The following SEC24A variants were observed in gnomAD, a reference collection of about 807,000 sequenced individuals.
SEC24A encodes SEC24 homolog A, COPII component.
SEC24A carries 93 observed loss-of-function variants against 129.4 expected under a neutral mutation model. The observed-to-expected ratio is 0.72, with a 90% CI of 0.61 to 0.85. SEC24A has a LOEUF of 0.85. Among genes scored for constraint, SEC24A ranks in the 40% least tolerant of loss-of-function variants. SEC24A has a pLI of 0.00. For missense variants in SEC24A, 1,264 were observed against 1,307.4 expected (o/e 0.97, Z 0.51); for synonymous variants, 460 against 467.3 (o/e 0.98, Z 0.20).
intron 2 of SEC24A, among the ~76,000 whole-genome samples, chr5:134,666,116 G>A (rs1467196008): frequency 3.3e-5 from 5 of 151,866 alleles, no homozygotes; most frequent in South Asian, 2.1e-4. Context: ...TGAGACCCCC[G>A]TCTCTATTTT....
chr5:134,697,625 G>T (rs145411299), intron 14 of SEC24A, among the ~76,000 whole-genome samples: 1 of 152,064 alleles, frequency 6.6e-6, no homozygotes, highest in Non-Finnish European at 1.5e-5. Flanking sequence ...ACATGGTGGC[G>T]CACACCTGTG....
chr5:134,699,609 A>G (rs978289269), intron 15 of SEC24A, among the ~76,000 whole-genome samples: 3 of 148,334 alleles, frequency 2.0e-5, no homozygotes, highest in African/African-American at 7.5e-5. Flanking sequence ...CATTTTATCC[A>G]TTTTTTAATT....
At chr5:134,699,675 G>A (rs1263715284) in intron 15 of SEC24A, among the ~76,000 whole-genome samples, 1 of 150,972 alleles carries the variant, frequency 6.6e-6, no homozygotes, top group African/African-American at 2.4e-5. Context: ...CAAAAGTGGG[G>A]GATCTCTTAG....
chr5:134,704,016 T>A, intron 16 of SEC24A, 84 bp downstream of exon 16: 1 of 786,814 alleles, frequency 1.3e-6, no homozygotes, highest in Non-Finnish European at 2.1e-6. Flanking sequence ...AAAATACATG[T>A]AGCATATCTT....
chr5:134,678,482 A>G (rs1171868856), intron 7 of SEC24A, among the ~76,000 whole-genome samples: 1 of 150,676 alleles, frequency 6.6e-6, no homozygotes, highest in African/African-American at 2.4e-5. Context: ...TTTGGTAGAG[A>G]TGGGCTGTTG....
Position 134,680,611 on chromosome 5 carries a change from G to C in SEC24A, c.1381+883G>C, listed in dbSNP as rs143849866. Among the ~76,000 whole-genome samples, 829 of 152,132 alleles carry C rather than the reference G, an allele frequency of 5.4e-3. 5 individuals are homozygous for C. Among genetic ancestry groups the C allele is most frequent in the Middle Eastern group, 0.041 (12 of 294 alleles). On this transcript the variant is annotated intron_variant, in intron 8 of 22. Coordinates refer to ENST00000398844, the MANE Select transcript of SEC24A (RefSeq NM_021982.3). ...GGCTCCCAAAGTGCTGGGATTAACA[G>C]GCATGAGCCACTGCACCCGGCCAAG...
At chr5:134,701,430 A>G (rs1480667465) in intron 15 of SEC24A, among the ~76,000 whole-genome samples, 1 of 151,968 alleles carries the variant, frequency 6.6e-6, no homozygotes, top group Non-Finnish European at 1.5e-5. Context: ...GACCTTTTCT[A>G]CTTGTCAAGA....
In SEC24A at chr5:134,725,009, T is replaced by G. The variant is rs1752726415; in HGVS notation, c.3197T>G (p.Leu1066Arg). The change falls in exon 23 of 23, where the codon CTT becomes CGT. Residue 1066 changes from leucine (L) to arginine (R), a missense_variant. Transcript: ENST00000398844. The stretch of plus-strand genomic sequence containing the variant: ...GAGAGTCCAATGAAAGCAAACTTCC[T>G]TCAAAACATGATAGAAGACAGAACA... ...RDESPMKANF[L>R]QNMIEDRTES... 6.2e-7 allele frequency: 1 copy of G among 1,609,570 alleles called. No individual in the cohort carries two copies. The highest frequency in any genetic ancestry group is 1.3e-5 in the African/African-American group (1 of 74,976).
chr5:134,648,947 GC>G lies in SEC24A; in HGVS notation c.-122del, dbSNP rs3832382. ...CGGCGCCATGCCTCGGGCTTAATGCGCCCCCCCCTCTTCTCCCAGTCTTCAG... is the reference window on the plus strand; with the variant it reads ...CGGCGCCATGCCTCGGGCTTAATGCGCCCCCCCTCTTCTCCCAGTCTTCAG... On this transcript the variant is annotated 5_prime_UTR_variant, in exon 1 of 23. The change creates a premature stop within an existing upstream ORF in the 5' untranslated region. Transcript: ENST00000398844. 2.3e-4 allele frequency: 143 copies of G among 620,198 alleles called. No homozygotes were observed. Among genetic ancestry groups the G allele is most frequent in the East Asian group, 1.6e-3 (52 of 31,568 alleles). The allele number at this position is 620,198 out of a possible 1,614,324, so 38.4% of individuals were successfully genotyped here.
At chr5:134,670,982 C>T (rs1750837163) in intron 3 of SEC24A, among the ~76,000 whole-genome samples, 1 of 151,578 alleles carries the variant, frequency 6.6e-6, no homozygotes, top group Admixed American at 6.6e-5. Flanking sequence ...GAGTGAGACT[C>T]CATCTCAAAA....
chr5:134,700,819 C>T (rs541357666), intron 15 of SEC24A, among the ~76,000 whole-genome samples: 18 of 151,748 alleles, frequency 1.2e-4, no homozygotes, highest in Non-Finnish European at 2.1e-4. Context: ...CCTGGGTTCA[C>T]GCCATTCTCC....
Position 134,721,001 on chromosome 5 carries a change from C to T in SEC24A, c.2974C>T (p.Leu992=). 1 of 1,600,306 alleles carries T rather than the reference C, an allele frequency of 6.2e-7. No individual in the cohort carries two copies. The change falls in exon 21 of 23, where the codon CTG becomes TTG. Residue 992 remains leucine, a synonymous_variant. Coordinates refer to ENST00000398844, the MANE Select transcript of SEC24A (RefSeq NM_021982.3). ...ATAATTTTATTCCTGTCCCTAGGTACTGATGCTTTGGGTTGGAAAAAATTG... is the reference window on the plus strand; with the variant it reads ...ATAATTTTATTCCTGTCCCTAGGTATTGATGCTTTGGGTTGGAAAAAATTG... The part of the protein sequence containing the change: ...GAFLMDAGSV[L]MLWVGKNCTQ...
intron 9 of SEC24A, among the ~76,000 whole-genome samples, chr5:134,685,881 C>CAGGA (rs1384966068): frequency 6.6e-6 from 1 of 151,916 alleles, no homozygotes; most frequent in East Asian, 1.9e-4. Flanking sequence ...CCCAGCTACT[C>CAGGA]AGGAGGCTGA....
chr5:134,679,608 C>A lies in SEC24A; in HGVS notation c.1261C>A (p.Pro421Thr). 1 of 1,547,194 alleles carries A rather than the reference C, an allele frequency of 6.5e-7. No homozygotes were observed. The highest frequency in any genetic ancestry group is 8.8e-7 in the Non-Finnish European group (1 of 1,141,892). The change falls in exon 8 of 23, where the codon CCT becomes ACT. Residue 421 changes from proline to threonine, a missense_variant. Transcript: ENST00000398844. Reference protein sequence around the residue: ...LHPFKDLVQLPVVTSSTIVRC... With the variant: ...LHPFKDLVQLTVVTSSTIVRC... ...TCTGTTTTTTTTTTTCCAGCAATTG[C>A]CTGTGGTTACCTCCAGTACAATTGT...
In SEC24A at chr5:134,721,134, T is replaced by A. The variant is rs751738267; in HGVS notation, c.3063+44T>A. 10 of 1,253,988 alleles carry A rather than the reference T, an allele frequency of 8.0e-6. No individual in the cohort carries two copies. The Admixed American group carries it at 2.0e-4, about 25-fold the overall frequency. The allele number at this position is 1,253,988 out of a possible 1,614,324, so 77.7% of individuals were successfully genotyped here. ...AGTGATTATAAAGGGCATTTCAAAG[T>A]TGGCAAAAACATGAATATCCCCTAT... On this transcript the variant is annotated intron_variant, in intron 21 of 22. Transcript: ENST00000398844.
Position 134,726,189 on chromosome 5 carries a change from TAA to T in SEC24A, c.*1096_*1097del, listed in dbSNP as rs1447133869. 5.2e-5 allele frequency: 8 copies of T among 152,636 alleles called. No individual in the cohort carries two copies. The highest frequency in any genetic ancestry group is 2.0e-4 in the Admixed American group (3 of 15,294). 9.5% of individuals were successfully genotyped at this position (152,636 alleles called of 1,614,324 possible). A position where few individuals can be genotyped will look rare whatever the true frequency, so the allele number is the denominator to read the frequency against. On this transcript the variant is annotated 3_prime_UTR_variant, in exon 23 of 23. Coordinates refer to ENST00000398844, the MANE Select transcript of SEC24A (RefSeq NM_021982.3). ...AAGAAACTTGACTTCTGAAAATCCT[TAA>T]GAGACTGCTTTCTTGATTCAGCTAG... is the stretch of plus-strand genomic sequence containing the variant.
intron 2 of SEC24A, among the ~76,000 whole-genome samples, chr5:134,664,792 CTTTTTTTTTT>C (rs70976552): frequency 2.8e-4 from 24 of 86,192 alleles, no homozygotes; most frequent in African/African-American, 7.4e-4. Flanking sequence ...TTTTCTTTTT[CTTTTTTTTTT>C]TTTTTTTTTT....
At position 134,675,098 on chromosome 5, in the gene SEC24A, A is replaced by G. The variant is rs1350943172; in HGVS notation, c.1032A>G (p.Gln344=). ...CAAGCATGAGTGGATTAAGTCTACA[A>G]CCAGAGGGTCTAAGAGTTGTCAATC... ...LTTSMSGLSL[Q]PEGLRVVNLL... The change falls in exon 6 of 23, where the codon CAA becomes CAG. Residue 344 remains glutamine (Q), a synonymous_variant. Transcript: ENST00000398844. 1.2e-6 allele frequency: 2 copies of G among 1,613,224 alleles called. No individual in the cohort carries two copies. Among genetic ancestry groups the G allele is most frequent in the South Asian group, 2.2e-5 (2 of 90,968 alleles).
intron 8 of SEC24A, among the ~76,000 whole-genome samples, chr5:134,681,533 A>G (rs1751275064): frequency 6.6e-6 from 1 of 152,004 alleles, no homozygotes; most frequent in East Asian, 1.9e-4. Context: ...CACTGTAACA[A>G]TTCTGAAAAT....
Sources: gnomAD v4.1 joint callset for allele counts (sites outside exome capture counted in the v4.1 genomes callset) on GRCh38, gnomAD v4.1.1 for gene constraint, MANE v1.5 for transcripts, NCBI Gene and HGNC (gene_info 2026-07-23, HGNC 2026-07-21) for gene names.